Variants in ASPM observed in about 807,000 individuals in gnomAD.
The protein encoded by ASPM is assembly factor for spindle microtubules.
Under a neutral mutation model 366.4 loss-of-function variants are expected in ASPM, and 256 were observed. The ratio of observed to expected loss-of-function variants is 0.70; its 90% CI spans 0.63 to 0.77. The LOEUF is 0.77. ASPM is among the 30% of genes least tolerant of loss of function. The pLI is 0.00. For synonymous variants in ASPM, 1,414 were observed against 1,342.9 expected, an observed-to-expected ratio of 1.05 and a Z score of -1.16; for missense variants, 4,146 against 4,090.4, an observed-to-expected ratio of 1.01 and a Z score of -0.37.
intron 7 of ASPM, among the ~76,000 whole-genome samples, chr1:197,131,350 C>T (rs183298055): frequency 4.6e-5 from 7 of 152,188 alleles, no homozygotes; most frequent in East Asian, 1.9e-4. Flanking sequence ...AGAATACAGA[C>T]GCACAAAAGA....
rs998666143 is a variant in ASPM, at chr1:197,104,123, G to C, written c.5128C>G (p.Gln1710Glu). Residue 1710 changes from glutamine to glutamate, a missense_variant, in exon 18 of 28, where the codon CAA becomes GAA. Transcript: ENST00000367409. Reference sequence around the variant, plus strand: ...GCTATTTTTTTGGAACGGTAACATTGCTGGATAAATAGTGCAGCTGCTCTT... The same window carrying C: ...GCTATTTTTTTGGAACGGTAACATTCCTGGATAAATAGTGCAGCTGCTCTT... ...HLRAAALFIQ[Q>E]CYRSKKIAAQ... The C allele has an allele frequency of 3.1e-6, 5 of 1,612,918 alleles. No individual in the cohort carries two copies. In the East Asian group the frequency reaches 1.1e-4, roughly 36 times the overall value.
intron 18 of ASPM, among the ~76,000 whole-genome samples, chr1:197,097,859 C>T (rs576755870): frequency 1.3e-5 from 2 of 151,510 alleles, no homozygotes; most frequent in South Asian, 4.2e-4. Flanking sequence ...TTATAAGTTA[C>T]TAGTTTTTAA....
intron 17 of ASPM, among the ~76,000 whole-genome samples, chr1:197,116,071 A>G (rs924459253): frequency 4.6e-5 from 7 of 152,202 alleles, no homozygotes; most frequent in African/African-American, 1.4e-4. Context: ...TAGTGTAGCC[A>G]CTTTTATTAA....
chr1:197,090,100 A>AAAC lies in ASPM; in HGVS notation c.9830-17_9830-16insGTT. The AAAC allele has an allele frequency of 6.2e-7, 1 of 1,610,938 alleles. No individual in the cohort carries two copies. Among genetic ancestry groups the AAAC allele is most frequent in the South Asian group, 1.1e-5 (1 of 91,010 alleles). Reference sequence around the variant, plus strand: ...GTAACTACCTCTGAAAGAAAAAAAAAACACACACACACAGGTAAATTTACA... The same window carrying AAAC: ...GTAACTACCTCTGAAAGAAAAAAAAAAACACACACACACACAGGTAAATTTACA... On this transcript the variant is annotated splice_polypyrimidine_tract_variant and intron_variant, in intron 24 of 27. Transcript: ENST00000367409.
At chr1:197,096,439 G>T (rs1656978123) in intron 18 of ASPM, among the ~76,000 whole-genome samples, 1 of 151,662 alleles carries the variant, frequency 6.6e-6, no homozygotes. Context: ...TTTATAAATT[G>T]TAAGACACAC....
chr1:197,118,396 C>A (rs79238841), intron 16 of ASPM, among the ~76,000 whole-genome samples: 317 of 152,028 alleles, frequency 2.1e-3, no homozygotes, highest in Middle Eastern at 3.4e-3. Flanking sequence ...ACAATTTGAA[C>A]AAAGCAAAAC....
At position 197,090,262 on chromosome 1, in the gene ASPM, G is replaced by C; in HGVS notation, c.9763C>G (p.Leu3255Val). The C allele has an allele frequency of 2.5e-6, 4 of 1,613,544 alleles. No homozygotes were observed. The South Asian group carries it at 4.4e-5, about 18-fold the overall frequency. The stretch of plus-strand genomic sequence containing the variant: ...TATGTCAAAAGGTAATGAAGTGCAA[G>C]TGCAGTTCTTTTGTAGAGTTTGTTT... ...EENKLYKRTA[L>V]ALHYLLTYKH... Residue 3255 changes from leucine to valine, a missense_variant, in exon 24 of 28, where the codon CTT becomes GTT. Leu to Val is a conservative substitution (Grantham distance 32, BLOSUM62 1). This residue lies in a region of ASPM where 3,624 missense variants were observed against 3,591.7 expected (regional missense o/e 1.01). Coordinates refer to ENST00000367409, the MANE Select transcript of ASPM (RefSeq NM_018136.5).
At chr1:197,128,887 T>C (rs1000888845) in intron 9 of ASPM, among the ~76,000 whole-genome samples, 5 of 152,160 alleles carry the variant, frequency 3.3e-5, no homozygotes, top group Non-Finnish European at 5.9e-5. Context: ...CTTGATTATA[T>C]ACTACATCAA....
Position 197,122,286 on chromosome 1 carries a change from A to G in ASPM, c.3614T>C (p.Leu1205Pro). ...KAFDHENTSELYKELLENEKK... is the reference protein window; with the variant it reads ...KAFDHENTSEPYKELLENEKK... ...TTCATTTTCTAGGAGCTCTTTGTAT[A>G]GCTCTGAAGTATTTTCTATTATGCA... is the stretch of plus-strand genomic sequence containing the variant. The change falls in exon 15 of 28, where the codon CTA becomes CCA. Residue 1205 changes from leucine to proline, a missense_variant. This residue lies in a region of ASPM where 3,624 missense variants were observed against 3,591.7 expected (regional missense o/e 1.01). Transcript: ENST00000367409. The G allele has an allele frequency of 6.2e-7, 1 of 1,613,780 alleles. No individual in the cohort carries two copies. Among genetic ancestry groups the G allele is most frequent in the Non-Finnish European group, 8.5e-7 (1 of 1,179,774 alleles).
In ASPM at chr1:197,103,991, C is replaced by A. The variant is rs765319168; in HGVS notation, c.5260G>T (p.Ala1754Ser). The A allele has an allele frequency of 6.2e-7, 1 of 1,612,390 alleles. No individual in the cohort carries two copies. Among genetic ancestry groups the A allele is most frequent in the South Asian group, 1.1e-5 (1 of 91,038 alleles). The change falls in exon 18 of 28, where the codon GCT becomes TCT. Residue 1754 changes from alanine to serine, a missense_variant. Around this residue, in one of 3 missense-constraint regions of ASPM, gnomAD observed 3,624 missense variants for 3,591.7 expected, o/e 1.01. Transcript: ENST00000367409. The part of the protein sequence containing the change: ...VRKQMRLQRK[A>S]VISLQSYFRM... ...AAATAAGACTGTAGTGAAATAACAGCTTTTCTTTGTAACCTCATCTGCTTT... is the reference window on the plus strand; with the variant it reads ...AAATAAGACTGTAGTGAAATAACAGATTTTCTTTGTAACCTCATCTGCTTT...
chr1:197,102,247 TGCATCTCTC>T lies in ASPM; in HGVS notation c.6995_7003del (p.Arg2332_Met2334del). 1 of 1,612,882 alleles carries T rather than the reference TGCATCTCTC, an allele frequency of 6.2e-7. No individual in the cohort carries two copies. The highest frequency in any genetic ancestry group is 1.1e-5 in the South Asian group (1 of 91,060). On this transcript the variant is annotated inframe_deletion, in exon 18 of 28. Coordinates refer to ENST00000367409, the MANE Select transcript of ASPM (RefSeq NM_018136.5). ...AGACTGGATGAAAGTAGCAGCCCTGTGCATCTCTCGCATCCTTTTCCTTATCATCCATCT... is the reference window on the plus strand; with the variant it reads ...AGACTGGATGAAAGTAGCAGCCCTGTGCATCCTTTTCCTTATCATCCATCT...
At chr1:197,129,454 C>T (rs1447567494) in intron 8 of ASPM, 137 bp from the exon 9 acceptor site, 3 of 906,642 alleles carry the variant, frequency 3.3e-6, no homozygotes, top group Non-Finnish European at 5.1e-6. Flanking sequence ...ACACTATGTG[C>T]CTTTTTTAGT....
Position 197,084,248 on chromosome 1 carries a change from G to T in ASPM, c.*76C>A. ...AGATTTTAAAAGTTGTACACGGAGAGCAAAAATCACTTTACGTACTCATGA... is the reference window on the plus strand; with the variant it reads ...AGATTTTAAAAGTTGTACACGGAGATCAAAAATCACTTTACGTACTCATGA... On this transcript the variant is annotated 3_prime_UTR_variant, in exon 28 of 28. Transcript: ENST00000367409. 9.1e-7 allele frequency: 1 copy of T among 1,097,234 alleles called. No individual in the cohort carries two copies. Among genetic ancestry groups the T allele is most frequent in the Non-Finnish European group, 1.4e-6 (1 of 721,176 alleles). 68.0% of individuals were successfully genotyped at this position (1,097,234 alleles called of 1,614,324 possible).
In ASPM at chr1:197,102,092, A is replaced by T; in HGVS notation, c.7159T>A (p.Ser2387Thr). The change falls in exon 18 of 28, where the codon TCT (serine) becomes ACT (threonine). Residue 2387 changes from serine (S) to threonine (T), a missense_variant. This residue lies in a region of ASPM where 3,624 missense variants were observed against 3,591.7 expected (regional missense o/e 1.01). Transcript: ENST00000367409. The stretch of plus-strand genomic sequence containing the variant: ...AATGCAGCCTGAAGGATCACAGCAG[A>T]GTGTCTTTGTCTGAGATAATGCTGC... ...QRQHYLRQRHSAVILQAAFRG... is the reference protein window; with the variant it reads ...QRQHYLRQRHTAVILQAAFRG... 1.2e-6 allele frequency: 2 copies of T among 1,612,934 alleles called. No individual in the cohort carries two copies. The highest frequency in any genetic ancestry group is 1.7e-6 in the Non-Finnish European group (2 of 1,179,304).
At chr1:197,138,850 C>G in intron 4 of ASPM, 1 of 868,820 alleles carries the variant, frequency 1.2e-6, no homozygotes, top group Non-Finnish European at 1.9e-6. Context: ...ATTTCTCCTT[C>G]CAGTTGTTTT....
intron 20 of ASPM, among the ~76,000 whole-genome samples, chr1:197,093,633 A>G (rs1190964936): frequency 6.6e-6 from 1 of 151,850 alleles, no homozygotes; most frequent in African/African-American, 2.4e-5. Context: ...AGCTGTCTGT[A>G]GCTTGAAAAA....
rs758080315 is a variant in ASPM at position 197,102,383 on chromosome 1, T to C, written c.6868A>G (p.Ile2290Val). 22 of 1,612,854 alleles carry C rather than the reference T, an allele frequency of 1.4e-5. No homozygotes were observed. Among genetic ancestry groups the C allele is most frequent in the Admixed American group, 6.7e-5 (4 of 59,796 alleles). The part of the protein sequence containing the change: ...RRFLSLKKTA[I>V]LIQRKYRAHL... ...GCCCGATATTTTCTCTGAATCAAAA[T>C]AGCAGTTTTCTTGAGAGAGAGGAAT... Residue 2290 changes from isoleucine (I) to valine (V), a missense_variant, in exon 18 of 28, where the codon ATT becomes GTT. Ile to Val is a conservative substitution (Grantham distance 29, BLOSUM62 3). This residue lies in a region of ASPM where 3,624 missense variants were observed against 3,591.7 expected (regional missense o/e 1.01). Coordinates refer to ENST00000367409, the MANE Select transcript of ASPM (RefSeq NM_018136.5).
intron 7 of ASPM, 21 bp downstream of exon 7, chr1:197,132,264 A>C: frequency 1.9e-6 from 3 of 1,562,824 alleles, no homozygotes; most frequent in Non-Finnish European, 2.6e-6. Flanking sequence ...ATTATTTTAG[A>C]AACCTGAAAT....
chr1:197,094,245 C>T, intron 19 of ASPM, 65 bp from the exon 20 acceptor site: 1 of 932,768 alleles, frequency 1.1e-6, no homozygotes, highest in Non-Finnish European at 1.7e-6. Flanking sequence ...TATTTATTGC[C>T]TCCCCCCCTT....
Sources: allele counts gnomAD v4.1 joint callset (sites outside exome capture counted in the v4.1 genomes callset), GRCh38; gene constraint gnomAD v4.1.1; regional missense constraint gnomAD v4.1.1; transcripts MANE v1.5; gene names NCBI Gene and HGNC (gene_info 2026-07-23, HGNC 2026-07-21).